CFAP20DC: variants seen among roughly 807,000 people sequenced by gnomAD.
CFAP20DC encodes the protein protein CFAP20DC.
A neutral mutation model predicts 101.7 loss-of-function variants in CFAP20DC; 84 were observed. The observed-to-expected ratio is 0.83, with a 90% CI of 0.69 to 0.99. The LOEUF (loss-of-function observed/expected upper bound fraction) is 0.99. CFAP20DC is among the 50% of genes least tolerant of loss of function. CFAP20DC has a pLI of 0.00. For missense variants in CFAP20DC, 1,007 were observed against 970.3 expected, an observed-to-expected ratio of 1.04 and a Z score of -0.50; for synonymous variants, 359 against 351.2, an observed-to-expected ratio of 1.02 and a Z score of -0.25.
At chr3:58,931,108 C>T (rs1350680959) in intron 5 of CFAP20DC, among the ~76,000 whole-genome samples, 1 of 152,172 alleles carries the variant, frequency 6.6e-6, no homozygotes, top group Non-Finnish European at 1.5e-5. Context: ...AACGGCGCAC[C>T]AGGAGATTAT....
intron 4 of CFAP20DC, among the ~76,000 whole-genome samples, chr3:58,996,682 CG>C (rs1452252952): frequency 1.3e-5 from 2 of 152,174 alleles, no homozygotes; most frequent in Non-Finnish European, 2.9e-5. Flanking sequence ...AGAGCTGGAA[CG>C]TAAATTAAAT....
At chr3:58,797,460 G>T (rs1471150514) in intron 15 of CFAP20DC, among the ~76,000 whole-genome samples, 1 of 152,144 alleles carries the variant, frequency 6.6e-6, no homozygotes, top group East Asian at 1.9e-4. Flanking sequence ...AGAGAGGTAA[G>T]GAAGCTGGAG....
intron 6 of CFAP20DC, among the ~76,000 whole-genome samples, chr3:58,903,452 G>C (rs2083326334): frequency 6.6e-6 from 1 of 152,104 alleles, no homozygotes; most frequent in African/African-American, 2.4e-5. Flanking sequence ...TATGGTTTGT[G>C]TATTAGTTCC....
In CFAP20DC at chr3:58,870,216, G is replaced by A; in HGVS notation, c.809C>T (p.Pro270Leu). 6.2e-7 allele frequency: 1 copy of A among 1,614,108 alleles called. No homozygotes were observed. Among genetic ancestry groups the A allele is most frequent in the South Asian group, 1.1e-5 (1 of 91,078 alleles). ...IAFGSKVLGP[P>L]PLSGRRNNMK... ...GTTATTCCTTCTGCCAGAGAGTGGA[G>A]GTGGCCCAAGAACTTTGGATCCAAA... Residue 270 changes from proline (P) to leucine (L), a missense_variant, in exon 8 of 17, where the codon CCT becomes CTT. Coordinates refer to ENST00000482387, the MANE Select transcript of CFAP20DC (RefSeq NM_001394063.1).
At chr3:58,981,389 G>C (rs369713317) in intron 4 of CFAP20DC, among the ~76,000 whole-genome samples, 1 of 151,946 alleles carries the variant, frequency 6.6e-6, no homozygotes, top group South Asian at 2.1e-4. Flanking sequence ...AAAAGAGCCC[G>C]CATCGCCAAG....
chr3:59,023,318 A>G (rs2109009274), intron 4 of CFAP20DC, among the ~76,000 whole-genome samples: 1 of 152,240 alleles, frequency 6.6e-6, no homozygotes, highest in South Asian at 2.1e-4. Flanking sequence ...TGATGACAAG[A>G]TGTAGTCCCT....
rs1576032630 is a variant in CFAP20DC at position 58,869,178 on chromosome 3, A to G, written c.1015+150T>C. On this transcript the variant is annotated intron_variant, in intron 9 of 16. Coordinates refer to ENST00000482387, the MANE Select transcript of CFAP20DC (RefSeq NM_001394063.1). The surrounding 1 kb of genome is among the most constrained non-coding windows in gnomAD (Gnocchi z 4.3). ...AGAAGCTAATATAAGAATTTCAAAT[A>G]TATTTCAAAATCAACCACCCTTTTC... 1 of 564,548 alleles carries G rather than the reference A, an allele frequency of 1.8e-6. No individual in the cohort carries two copies. Among genetic ancestry groups the G allele is most frequent in the South Asian group, 3.2e-5 (1 of 31,354 alleles). The allele number at this position is 564,548 out of a possible 1,614,324, so 35.0% of individuals were successfully genotyped here.
intron 3 of CFAP20DC, among the ~76,000 whole-genome samples, chr3:58,719,000 TG>T (rs540320668): frequency 1.4e-3 from 216 of 152,238 alleles, no homozygotes; most frequent in Non-Finnish European, 2.8e-3. Flanking sequence ...GCCAGCACTT[TG>T]GGAGGCCAAG....
chr3:58,740,212 T>C (rs1423858043), downstream of CFAP20DC, among the ~76,000 whole-genome samples: 1 of 152,106 alleles, frequency 6.6e-6, no homozygotes, highest in Non-Finnish European at 1.5e-5. This position sits in a 1 kb window ranked among gnomAD's most constrained non-coding sequence, Gnocchi z 4.6. Flanking sequence ...CAATCAGAGA[T>C]GAGCGGCAGA....
rs867284029 is a variant in CFAP20DC, at chr3:58,733,392, G to C, written c.198-15764C>G. Among the ~76,000 whole-genome samples, 8 of 152,016 alleles carry C rather than the reference G, an allele frequency of 5.3e-5. No individual in the cohort carries two copies. In the South Asian group the frequency reaches 1.0e-3, roughly 20 times the overall value. ...AAAAAAAAACTTGATTACAGACTCT[G>C]TTTAAACAAATATACCTTATTTCAA... On this transcript the variant is annotated intron_variant, in intron 3 of 3. Coordinates refer to the CFAP20DC transcript ENST00000486145.
At chr3:58,888,256 A>G (rs914521535) in intron 6 of CFAP20DC, among the ~76,000 whole-genome samples, 4 of 152,236 alleles carry the variant, frequency 2.6e-5, no homozygotes, top group Non-Finnish European at 5.9e-5. Context: ...GTGTCATTCA[A>G]CAAATATTTA....
chr3:58,900,189 C>T (rs2083030341), intron 6 of CFAP20DC, among the ~76,000 whole-genome samples: 1 of 152,164 alleles, frequency 6.6e-6, no homozygotes, highest in South Asian at 2.1e-4. Context: ...ATTCTAGGAA[C>T]TGAGATAAAG....
chr3:58,890,117 C>T (rs1275866088), intron 6 of CFAP20DC, among the ~76,000 whole-genome samples: 1 of 151,260 alleles, frequency 6.6e-6, no homozygotes, highest in African/African-American at 2.4e-5. Flanking sequence ...CTTCACTTCC[C>T]AGTAGGGGCG....
chr3:58,951,813 C>T (rs770468379), intron 4 of CFAP20DC, among the ~76,000 whole-genome samples: 35 of 152,024 alleles, frequency 2.3e-4, no homozygotes, highest in Non-Finnish European at 4.6e-4. Context: ...TGTTAAATGA[C>T]GAGTTACTGG....
chr3:58,990,926 C>G (rs1292599918), intron 4 of CFAP20DC, among the ~76,000 whole-genome samples: 1 of 151,938 alleles, frequency 6.6e-6, no homozygotes, highest in Non-Finnish European at 1.5e-5. Flanking sequence ...TTTTAAAAAC[C>G]TGCTTTTCTT....
At chr3:58,934,929 T>C (rs966092804) in intron 5 of CFAP20DC, among the ~76,000 whole-genome samples, 1 of 152,150 alleles carries the variant, frequency 6.6e-6, no homozygotes, top group East Asian at 1.9e-4. Flanking sequence ...CCAGGGCAAT[T>C]AGGCAGGAGA....
At chr3:58,741,503 T>A (rs567734489), downstream of CFAP20DC, among the ~76,000 whole-genome samples, 119 of 152,042 alleles carry the variant, frequency 7.8e-4, 1 homozygote, top group African/African-American at 2.8e-3. Flanking sequence ...CAAAATATTT[T>A]TTTTTTTTTT....
At chr3:58,958,702 G>A (rs967433363) in intron 4 of CFAP20DC, among the ~76,000 whole-genome samples, 1 of 152,118 alleles carries the variant, frequency 6.6e-6, no homozygotes, top group Non-Finnish European at 1.5e-5. Flanking sequence ...TTTCTTCAAT[G>A]ATACATAGTA....
At chr3:58,810,782 C>G (rs1264142379) in intron 14 of CFAP20DC, among the ~76,000 whole-genome samples, 1 of 151,496 alleles carries the variant, frequency 6.6e-6, no homozygotes, top group Non-Finnish European at 1.5e-5. Context: ...TTGCAGATGA[C>G]ATGATTGTAT....
Sources: allele counts gnomAD v4.1 joint callset (sites outside exome capture counted in the v4.1 genomes callset), GRCh38; gene constraint gnomAD v4.1.1; non-coding constraint Gnocchi (gnomAD v3.1); transcripts MANE v1.5; gene names NCBI Gene and HGNC (gene_info 2026-07-23, HGNC 2026-07-21).